The following LGR5 variants were observed in gnomAD, a reference collection of about 807,000 sequenced individuals.
LGR5 encodes the protein leucine rich repeat containing G protein-coupled receptor 5, also known as leucine-rich repeat-containing G protein-coupled receptor 5.
LGR5 carries 54 observed loss-of-function variants against 76.7 expected under a neutral mutation model. The ratio of observed to expected loss-of-function variants is 0.70; its 90% CI spans 0.57 to 0.88. LGR5 has a LOEUF of 0.88. Among genes scored for constraint, LGR5 ranks in the 40% least tolerant of loss-of-function variants. The pLI, the probability that LGR5 is intolerant of heterozygous loss-of-function variation, is 0.00. For synonymous variants in LGR5, 406 were observed against 421.9 expected (o/e 0.96, Z 0.46); for missense variants, 1,078 against 1,073.3 (o/e 1.00, Z -0.06).
At chr12:71,500,247 A>T (rs964966793) in intron 1 of LGR5, among the ~76,000 whole-genome samples, 1 of 152,196 alleles carries the variant, frequency 6.6e-6, no homozygotes, top group Non-Finnish European at 1.5e-5. Context: ...ACCCATAAGA[A>T]ACAGTACCTT....
intron 2 of LGR5, among the ~76,000 whole-genome samples, chr12:71,523,330 A>G (rs1875815834): frequency 6.6e-6 from 1 of 152,086 alleles, no homozygotes; most frequent in Admixed American, 6.6e-5. Flanking sequence ...CAAAATCCTT[A>G]TCCCCAAATC....
rs1164952605 is a variant in LGR5 at position 71,439,945 on chromosome 12, G to A, written c.-136G>A. 2 of 753,716 alleles carry A rather than the reference G, an allele frequency of 2.7e-6. No homozygotes were observed. The highest frequency in any genetic ancestry group is 4.1e-6 in the Non-Finnish European group (2 of 485,636). 46.7% of individuals were successfully genotyped at this position (753,716 alleles called of 1,614,324 possible). On this transcript the variant is annotated 5_prime_UTR_variant, in exon 1 of 18. Transcript: ENST00000266674. ...CTCGCCGCCCACGCCGTGGGGTCAG[G>A]AACGCGGCGTCTGGCGCTGCAGACG...
intron 1 of LGR5, among the ~76,000 whole-genome samples, chr12:71,495,079 G>GGT (rs1010816363): frequency 1.4e-5 from 2 of 140,928 alleles, no homozygotes; most frequent in African/African-American, 6.3e-5. Context: ...GGGCGTAGTC[G>GGT]GGGGGGGTCT....
At position 71,585,919 on chromosome 12, in the gene LGR5, T is replaced by C. The variant is rs1879298930; in HGVS notation, c.*1185T>C. ...TAAATAAGAAAAGTCAAAGTATTAA[T>C]TCTTACCTTCTATTATCCTATATTA... On this transcript the variant is annotated 3_prime_UTR_variant, in exon 18 of 18. Transcript: ENST00000266674. 1 of 152,236 alleles carries C rather than the reference T, an allele frequency of 6.6e-6. No individual in the cohort carries two copies. The highest frequency in any genetic ancestry group is 1.5e-5 in the Non-Finnish European group (1 of 68,034). 9.4% of individuals were successfully genotyped at this position (152,236 alleles called of 1,614,324 possible). A position where few individuals can be genotyped will look rare whatever the true frequency, so the allele number is the denominator to read the frequency against.
At chr12:71,462,945 GC>G (rs1565661440) in intron 1 of LGR5, among the ~76,000 whole-genome samples, 1 of 152,114 alleles carries the variant, frequency 6.6e-6, no homozygotes, top group Non-Finnish European at 1.5e-5. Context: ...TATGGATAGG[GC>G]ATTAAGGGGC....
intron 2 of LGR5, among the ~76,000 whole-genome samples, chr12:71,509,632 G>T (rs569241369): frequency 1.5e-4 from 23 of 152,276 alleles, no homozygotes; most frequent in African/African-American, 5.3e-4. Flanking sequence ...GGCAGATGGT[G>T]ACTATTACTG....
intron 1 of LGR5, among the ~76,000 whole-genome samples, chr12:71,461,799 T>C (rs1162701337): frequency 6.6e-6 from 1 of 152,160 alleles, no homozygotes; most frequent in Non-Finnish European, 1.5e-5. Flanking sequence ...AATGACCTCC[T>C]ACTGTCTAGT....
rs192965493 is a variant in LGR5, at chr12:71,494,572, A to G, written c.213-10042A>G. Among the ~76,000 whole-genome samples, 87 of 151,252 alleles carry G rather than the reference A, an allele frequency of 5.8e-4. 6 individuals are homozygous for G. The highest frequency in any genetic ancestry group is 2.0e-3 in the African/African-American group (82 of 40,592). On this transcript the variant is annotated intron_variant, in intron 1 of 17. Coordinates refer to ENST00000266674, the MANE Select transcript of LGR5 (RefSeq NM_003667.4). ...CCCGTTGTGGCCACTGCAACTTCAA[A>G]TTATTTCTTGTAGGCACACCCATTT... is the stretch of plus-strand genomic sequence containing the variant.
At chr12:71,456,067 G>C (rs1872460958) in intron 1 of LGR5, among the ~76,000 whole-genome samples, 1 of 152,066 alleles carries the variant, frequency 6.6e-6, no homozygotes, top group Non-Finnish European at 1.5e-5. Context: ...CATTGACTAT[G>C]AGAAATTTTC....
intron 11 of LGR5, among the ~76,000 whole-genome samples, chr12:71,569,643 AAAAGTCAAG>A (rs1423785463): frequency 6.6e-6 from 1 of 152,254 alleles, no homozygotes; most frequent in Non-Finnish European, 1.5e-5. Flanking sequence ...GCAATTATTA[AAAAGTCAAG>A]AAACAACAAA....
chr12:71,570,829 A>C (rs10879299), intron 11 of LGR5, among the ~76,000 whole-genome samples: 7,493 of 152,258 alleles, frequency 0.049, 365 homozygotes, highest in African/African-American at 0.13. Flanking sequence ...ATCAGGCATG[A>C]AAATGTGTTA....
Position 71,584,996 on chromosome 12 carries a change from T to C in LGR5, c.*262T>C, listed in dbSNP as rs960453214. On this transcript the variant is annotated 3_prime_UTR_variant, in exon 18 of 18. Coordinates refer to ENST00000266674, the MANE Select transcript of LGR5 (RefSeq NM_003667.4). ...AGTGAGCCCAGATCAAAAAAGCAGA[T>C]TGAAATTTTCTTTAGAAAAGATTCT... 3 of 373,896 alleles carry C rather than the reference T, an allele frequency of 8.0e-6. No homozygotes were observed. The highest frequency in any genetic ancestry group is 2.1e-5 in the African/African-American group (1 of 48,692). 23.2% of individuals were successfully genotyped at this position (373,896 alleles called of 1,614,324 possible). A position where few individuals can be genotyped will look rare whatever the true frequency, so the allele number is the denominator to read the frequency against.
chr12:71,461,479 G>A (rs557219141), intron 1 of LGR5, among the ~76,000 whole-genome samples: 56 of 152,126 alleles, frequency 3.7e-4, no homozygotes, highest in Admixed American at 9.2e-4. Context: ...CTCTATTTCC[G>A]CCTTTTAGTC....
At chr12:71,555,753 G>T (rs962083691) in intron 5 of LGR5, among the ~76,000 whole-genome samples, 9 of 152,166 alleles carry the variant, frequency 5.9e-5, no homozygotes, top group African/African-American at 2.2e-4. Context: ...AACCATTGTG[G>T]AATACAGTGT....
rs1879037682 is a variant in LGR5 at position 71,580,347 on chromosome 12, T to C, written c.1476T>C (p.Ser492=). 3.7e-6 allele frequency: 6 copies of C among 1,614,032 alleles called. No individual in the cohort carries two copies. The highest frequency in any genetic ancestry group is 1.6e-4 in the Middle Eastern group (1 of 6,062). Residue 492 remains serine (S), a synonymous_variant, in exon 16 of 18, where the codon TCT becomes TCC. Coordinates refer to ENST00000266674, the MANE Select transcript of LGR5 (RefSeq NM_003667.4). ...TGTGTGAGAATGCCTATAAGATTTC[T>C]AATCAATGGAATAAAGGTGACAACA... ...FGVCENAYKI[S]NQWNKGDNSS...
intron 8 of LGR5, among the ~76,000 whole-genome samples, chr12:71,564,681 CATAT>C (rs757372866): frequency 0.88 from 124,615 of 141,074 alleles, 57,490 homozygotes; most frequent in East Asian, 0.99. Flanking sequence ...TGTATATATA[CATAT>C]ATACATATAT....
At chr12:71,576,337 A>G (rs1012415714) in intron 13 of LGR5, among the ~76,000 whole-genome samples, 1 of 152,232 alleles carries the variant, frequency 6.6e-6, no homozygotes, top group Non-Finnish European at 1.5e-5. Context: ...TGCAGAAACC[A>G]GTAACATCTG....
chr12:71,477,439 AATAAT>A (rs1394850897), intron 1 of LGR5, among the ~76,000 whole-genome samples: 5 of 149,728 alleles, frequency 3.3e-5, no homozygotes, highest in African/African-American at 7.3e-5. Context: ...GTATACATTT[AATAAT>A]ATAATATATA....
In LGR5 at chr12:71,564,757, T is replaced by C. The variant is rs374172247; in HGVS notation, c.858-1647T>C. 7.5e-5 allele frequency among the ~76,000 whole-genome samples: 11 copies of C among 146,536 alleles called. 1 individual carries two copies. In the South Asian group the frequency reaches 1.3e-3, roughly 17 times the overall value. The stretch of plus-strand genomic sequence containing the variant: ...TACACACACTGTATATATATACATA[T>C]ATACATATATGTACACACTGCATAT... On this transcript the variant is annotated intron_variant, in intron 8 of 17. Coordinates refer to ENST00000266674, the MANE Select transcript of LGR5 (RefSeq NM_003667.4).
Sources: gnomAD v4.1 joint callset for allele counts (sites outside exome capture counted in the v4.1 genomes callset) on GRCh38, gnomAD v4.1.1 for gene constraint, MANE v1.5 for transcripts, NCBI Gene and HGNC (gene_info 2026-07-23, HGNC 2026-07-21) for gene names.